Variants in RNF157 observed in about 807,000 individuals in gnomAD.
RNF157 encodes the protein ring finger protein 157, also known as E3 ubiquitin ligase RNF157.
In RNF157, 55 loss-of-function variants were observed where a neutral mutation model predicts 88.3. The observed-to-expected ratio is 0.62, with a 90% CI of 0.50 to 0.78. RNF157 has a LOEUF of 0.78. Among genes scored for constraint, RNF157 ranks in the 30% least tolerant of loss-of-function variants. The probability of loss-of-function intolerance (pLI) is 0.00; values close to 1 mark genes in which losing one functional copy is unlikely to be tolerated. For missense variants in RNF157, 788 were observed against 860.8 expected (o/e 0.92, Z 1.06); for synonymous variants, 334 against 341.2 (o/e 0.98, Z 0.23).
At chr17:76,237,989 C>T (rs543219101) in intron 1 of RNF157, among the ~76,000 whole-genome samples, 7 of 150,740 alleles carry the variant, frequency 4.6e-5, no homozygotes, top group East Asian at 2.0e-4. Context: ...GAGACTGAGG[C>T]GGGAGAATTG....
At chr17:76,182,309 GCT>G (rs1378041682) in intron 2 of RNF157, among the ~76,000 whole-genome samples, 2 of 152,180 alleles carry the variant, frequency 1.3e-5, no homozygotes, top group Middle Eastern at 3.2e-3. Flanking sequence ...TGACCCTGGT[GCT>G]CATCAGCTTC....
At chr17:76,201,712 A>G (rs2069581986) in intron 2 of RNF157, among the ~76,000 whole-genome samples, 1 of 152,050 alleles carries the variant, frequency 6.6e-6, no homozygotes, top group Non-Finnish European at 1.5e-5. Flanking sequence ...TACATTATAC[A>G]CTGCAACTTG....
chr17:76,233,267 G>C (rs148554670), intron 1 of RNF157, among the ~76,000 whole-genome samples: 1 of 152,074 alleles, frequency 6.6e-6, no homozygotes, highest in South Asian at 2.1e-4. Flanking sequence ...ATATTGAGTT[G>C]TAAGAGTTCT....
At chr17:76,196,653 CA>C (rs1208294255) in intron 2 of RNF157, among the ~76,000 whole-genome samples, 1 of 151,700 alleles carries the variant, frequency 6.6e-6, no homozygotes, top group Admixed American at 6.5e-5. Context: ...CAACCTTCCC[CA>C]ACTCCCTCCC....
intron 2 of RNF157, among the ~76,000 whole-genome samples, chr17:76,177,318 C>A (rs2069120915): frequency 6.6e-6 from 1 of 150,652 alleles, no homozygotes; most frequent in African/African-American, 2.4e-5. Flanking sequence ...ACCCCCCCGC[C>A]CCAGCAGGCT....
chr17:76,155,100 C>T (rs2068741640), intron 16 of RNF157, 152 bp downstream of exon 16: 1 of 697,668 alleles, frequency 1.4e-6, no homozygotes, highest in South Asian at 1.7e-5. Flanking sequence ...CTCATCTCTA[C>T]CCACATTCCA....
At chr17:76,226,750 G>T in intron 1 of RNF157, 1 of 1,596,508 alleles carries the variant, frequency 6.3e-7, no homozygotes. Context: ...ACTGGTCGAA[G>T]GGGGACATCA....
chr17:76,212,940 G>A (rs1038177757), intron 1 of RNF157, among the ~76,000 whole-genome samples: 59 of 152,158 alleles, frequency 3.9e-4, no homozygotes, highest in Non-Finnish European at 8.1e-4. Flanking sequence ...TTCTTTTCCT[G>A]ATTTGGGACA....
chr17:76,197,064 T>C (rs1297272866), intron 2 of RNF157, among the ~76,000 whole-genome samples: 4 of 152,054 alleles, frequency 2.6e-5, no homozygotes, highest in Non-Finnish European at 5.9e-5. Context: ...CTAAACCGGT[T>C]GATATCAGAT....
chr17:76,189,760 C>T (rs537101278), intron 2 of RNF157, among the ~76,000 whole-genome samples: 9 of 152,100 alleles, frequency 5.9e-5, no homozygotes, highest in African/African-American at 1.9e-4. Flanking sequence ...AGGGACCCTC[C>T]GAAGCTGGGA....
At chr17:76,181,123 C>T (rs2069181756) in intron 2 of RNF157, among the ~76,000 whole-genome samples, 1 of 152,166 alleles carries the variant, frequency 6.6e-6, no homozygotes, top group Non-Finnish European at 1.5e-5. Context: ...ACATCTGACT[C>T]CAAAAGCCAT....
intron 1 of RNF157, among the ~76,000 whole-genome samples, chr17:76,219,396 C>G (rs907485238): frequency 1.1e-4 from 16 of 151,692 alleles, no homozygotes; most frequent in African/African-American, 3.6e-4. Context: ...TACAAATAGG[C>G]TTAATTTATA....
Position 76,176,129 on chromosome 17 carries a change from T to G in RNF157, c.208-2339A>C, listed in dbSNP as rs571476734. On this transcript the variant is annotated intron_variant, in intron 2 of 18. Coordinates refer to ENST00000269391, the MANE Select transcript of RNF157 (RefSeq NM_052916.3). The surrounding 1 kb of genome is among the most constrained non-coding windows in gnomAD (Gnocchi z 4.2). Reference sequence around the variant, plus strand: ...ATCAGAGTCTACATGCAACACTCCATGCCAGGAGTAAGGAGAGATTGAAAA... The same window carrying G: ...ATCAGAGTCTACATGCAACACTCCAGGCCAGGAGTAAGGAGAGATTGAAAA... Among the ~76,000 whole-genome samples, 3 of 152,192 alleles carry G rather than the reference T, an allele frequency of 2.0e-5. No homozygotes were observed. The highest frequency in any genetic ancestry group is 2.9e-5 in the Non-Finnish European group (2 of 68,044).
intron 1 of RNF157, among the ~76,000 whole-genome samples, chr17:76,231,641 G>GA (rs1004650134): frequency 9.5e-5 from 14 of 147,186 alleles, no homozygotes; most frequent in African/African-American, 2.5e-4. Flanking sequence ...ATTTAAAAAA[G>GA]AAAAAAAAAA....
At chr17:76,226,948 G>T in intron 1 of RNF157, 8 of 651,416 alleles carry the variant, frequency 1.2e-5, no homozygotes, top group Non-Finnish European at 2.1e-5. Context: ...TGGTGCTGCT[G>T]CCGCCGCTGC....
chr17:76,206,415 T>G (rs1483167083), intron 2 of RNF157, among the ~76,000 whole-genome samples: 1 of 152,154 alleles, frequency 6.6e-6, no homozygotes, highest in Admixed American at 6.6e-5. Flanking sequence ...TTTAACATTT[T>G]GTAACTGATT....
chr17:76,164,911 A>G (rs957123405), intron 7 of RNF157, 116 bp from the exon 8 acceptor site: 4 of 648,442 alleles, frequency 6.2e-6, no homozygotes, highest in Non-Finnish European at 1.1e-5. Flanking sequence ...TTCATTTTCC[A>G]TGGTTTCAAT....
chr17:76,207,908 C>T (rs1196059293), intron 2 of RNF157, among the ~76,000 whole-genome samples: 1 of 152,158 alleles, frequency 6.6e-6, no homozygotes, highest in Non-Finnish European at 1.5e-5. Context: ...GAGAACATAT[C>T]ACTGCCACTC....
intron 1 of RNF157, among the ~76,000 whole-genome samples, chr17:76,221,464 T>C (rs1189704771): frequency 6.6e-6 from 1 of 152,132 alleles, no homozygotes; most frequent in Non-Finnish European, 1.5e-5. Context: ...GCAGAAAACC[T>C]TAACAAGAAA....
Sources: gnomAD v4.1 joint callset for allele counts (sites outside exome capture counted in the v4.1 genomes callset) on GRCh38, gnomAD v4.1.1 for gene constraint, Gnocchi (gnomAD v3.1) non-coding constraint, MANE v1.5 for transcripts, NCBI Gene and HGNC (gene_info 2026-07-23, HGNC 2026-07-21) for gene names.